Variants in MAN1C1 observed in about 807,000 individuals in gnomAD.
MAN1C1 encodes mannosyl-oligosaccharide 1,2-alpha-mannosidase IC.
A neutral mutation model predicts 71.5 loss-of-function variants in MAN1C1; 49 were observed. That is an observed-to-expected ratio of 0.69 (90% CI 0.54 to 0.87). The LOEUF (loss-of-function observed/expected upper bound fraction) is 0.87, where lower values mean the gene tolerates loss of function less well. MAN1C1 is among the 40% of genes least tolerant of loss of function. MAN1C1 has a pLI of 0.00. For synonymous variants in MAN1C1, 352 were observed against 343.7 expected (o/e 1.02, Z -0.27); for missense variants, 743 against 835.0 (o/e 0.89, Z 1.36).
At chr1:25,758,736 T>C (rs2047322574) in intron 6 of MAN1C1, 27 bp downstream of exon 6, 1 of 1,590,104 alleles carries the variant, frequency 6.3e-7, no homozygotes, top group Non-Finnish European at 8.6e-7. Flanking sequence ...CCCTTCTTCC[T>C]GCGGAGCAGA....
intron 2 of MAN1C1, among the ~76,000 whole-genome samples, chr1:25,686,918 G>C (rs1446013631): frequency 6.6e-6 from 1 of 152,136 alleles, no homozygotes; most frequent in Non-Finnish European, 1.5e-5. Flanking sequence ...CTGTGAAATG[G>C]TCTTGGATGT....
chr1:25,639,605 T>A (rs2045511141), intron 1 of MAN1C1, among the ~76,000 whole-genome samples: 2 of 152,224 alleles, frequency 1.3e-5, no homozygotes, highest in South Asian at 2.1e-4. Flanking sequence ...GCTAGGAAAC[T>A]ATTTAATCTA....
intron 2 of MAN1C1, among the ~76,000 whole-genome samples, chr1:25,699,964 A>C (rs528198347): frequency 2.6e-5 from 4 of 152,324 alleles, no homozygotes; most frequent in South Asian, 4.1e-4. Context: ...CATGAGAACT[A>C]TGCAGGGATC....
intron 2 of MAN1C1, among the ~76,000 whole-genome samples, chr1:25,700,214 T>C (rs1352182706): frequency 2.0e-5 from 3 of 152,196 alleles, no homozygotes; most frequent in African/African-American, 2.4e-5. Flanking sequence ...GAATAGACCA[T>C]GTAGGGATAA....
At chr1:25,641,544 C>G (rs1416052121) in intron 1 of MAN1C1, among the ~76,000 whole-genome samples, 1 of 152,228 alleles carries the variant, frequency 6.6e-6, no homozygotes, top group Non-Finnish European at 1.5e-5. Flanking sequence ...TTATTGCAGT[C>G]CGGAATTATC....
At chr1:25,674,161 G>A (rs938951092) in intron 1 of MAN1C1, among the ~76,000 whole-genome samples, 3 of 152,196 alleles carry the variant, frequency 2.0e-5, no homozygotes, top group African/African-American at 7.2e-5. Context: ...GCCTCGCTGG[G>A]AAGGGTCTCA....
chr1:25,719,705 G>A (rs2046737834), intron 2 of MAN1C1, among the ~76,000 whole-genome samples: 1 of 152,074 alleles, frequency 6.6e-6, no homozygotes, highest in Non-Finnish European at 1.5e-5. Flanking sequence ...TGGGATTATA[G>A]GTGTCAGTCA....
At chr1:25,743,519 C>T (rs1000837824) in intron 2 of MAN1C1, among the ~76,000 whole-genome samples, 1 of 152,226 alleles carries the variant, frequency 6.6e-6, no homozygotes, top group Non-Finnish European at 1.5e-5. Context: ...GAAAGGCTTT[C>T]CAGTAAGTGC....
chr1:25,648,465 G>C (rs2045647146), intron 1 of MAN1C1, among the ~76,000 whole-genome samples: 1 of 152,138 alleles, frequency 6.6e-6, no homozygotes, highest in Non-Finnish European at 1.5e-5. Context: ...GGAGGAGGAG[G>C]GTGACACCTG....
chr1:25,682,956 T>G (rs950719737), intron 1 of MAN1C1, among the ~76,000 whole-genome samples: 1 of 151,344 alleles, frequency 6.6e-6, no homozygotes, highest in Admixed American at 6.6e-5. Context: ...GAGAATTGCT[T>G]GAGTCTGGGA....
chr1:25,759,017 G>A (rs2047326718), intron 6 of MAN1C1: 3 of 298,712 alleles, frequency 1.0e-5, no homozygotes, highest in Non-Finnish European at 1.9e-5. Flanking sequence ...TGTGAAATCT[G>A]GAGAAAGTGC....
At chr1:25,636,941 G>A (rs1037371855) in intron 1 of MAN1C1, among the ~76,000 whole-genome samples, 4 of 151,942 alleles carry the variant, frequency 2.6e-5, no homozygotes, top group African/African-American at 9.7e-5. Flanking sequence ...GATCACTTGG[G>A]GTCAGGACTT....
rs1026249245 is a variant in MAN1C1 at position 25,753,984 on chromosome 1, G to A, written c.929+406G>A. Among the ~76,000 whole-genome samples, 1 of 152,128 alleles carries A rather than the reference G, an allele frequency of 6.6e-6. No homozygotes were observed. Among genetic ancestry groups the A allele is most frequent in the African/African-American group, 2.4e-5 (1 of 41,430 alleles). On this transcript the variant is annotated intron_variant, in intron 5 of 11. Coordinates refer to ENST00000374332, the MANE Select transcript of MAN1C1 (RefSeq NM_020379.4). This position sits in a 1 kb window ranked among gnomAD's most constrained non-coding sequence, Gnocchi z 4.9. Reference sequence around the variant, plus strand: ...CCCCAAACACTCTCTTCCCCCGCTGGGGTTCCGGAGCCAGCAGGCACATCA... The same window carrying A: ...CCCCAAACACTCTCTTCCCCCGCTGAGGTTCCGGAGCCAGCAGGCACATCA...
chr1:25,706,264 G>A (rs1234438600), intron 2 of MAN1C1, among the ~76,000 whole-genome samples: 1 of 152,230 alleles, frequency 6.6e-6, no homozygotes, highest in Non-Finnish European at 1.5e-5. Context: ...AGGGAAGGAA[G>A]AATCGGCAGT....
chr1:25,644,518 A>ATTTTTTTTTTT (rs1203077345), intron 1 of MAN1C1: 3 of 40,290 alleles, frequency 7.4e-5, no homozygotes, highest in East Asian at 1.1e-3. Flanking sequence ...ATATATATAT[A>ATTTTTTTTTTT]TTTTTTTTTT....
At chr1:25,627,959 G>A (rs900589092) in intron 1 of MAN1C1, among the ~76,000 whole-genome samples, 2 of 151,994 alleles carry the variant, frequency 1.3e-5, no homozygotes, top group Non-Finnish European at 2.9e-5. Flanking sequence ...GAGGTGGGAG[G>A]ATCACTTGAG....
Position 25,779,638 on chromosome 1 carries a change from G to A in MAN1C1, c.1478-1302G>A, listed in dbSNP as rs1412306029. On this transcript the variant is annotated intron_variant, in intron 9 of 11. Coordinates refer to ENST00000374332, the MANE Select transcript of MAN1C1 (RefSeq NM_020379.4). The surrounding 1 kb of genome is among the most constrained non-coding windows in gnomAD (Gnocchi z 4.6). ...ATATTGTTCTAGCCAGCCTCGGCTT[G>A]TCCTGTGGACGCCTGTAGCAGTGGC... Among the ~76,000 whole-genome samples, 2 of 152,132 alleles carry A rather than the reference G, an allele frequency of 1.3e-5. No individual in the cohort carries two copies. The highest frequency in any genetic ancestry group is 4.8e-5 in the African/African-American group (2 of 41,438).
chr1:25,706,164 A>G (rs1358746506), intron 2 of MAN1C1, among the ~76,000 whole-genome samples: 1 of 152,136 alleles, frequency 6.6e-6, no homozygotes, highest in Non-Finnish European at 1.5e-5. Flanking sequence ...TGCATGGTAT[A>G]AGGATGCCTG....
chr1:25,774,818 T>C (rs1364709529), intron 8 of MAN1C1, among the ~76,000 whole-genome samples: 1 of 110,310 alleles, frequency 9.1e-6, no homozygotes, highest in Non-Finnish European at 2.1e-5. Context: ...TTTTTGTTAA[T>C]ACATTAAAAA....
Sources: allele counts gnomAD v4.1 joint callset (sites outside exome capture counted in the v4.1 genomes callset), GRCh38; gene constraint gnomAD v4.1.1; non-coding constraint Gnocchi (gnomAD v3.1); transcripts MANE v1.5; gene names NCBI Gene and HGNC (gene_info 2026-07-23, HGNC 2026-07-21).